RPTN: variants seen among roughly 807,000 people sequenced by gnomAD.
RPTN encodes intermediate filament-associated protein.
A neutral mutation model predicts 3.6 loss-of-function variants in RPTN; 4 were observed. That is an observed-to-expected ratio of 1.12 (90% confidence interval 0.55 to 2.55). RPTN has a LOEUF of 2.55. Ranked by LOEUF, RPTN falls within the 30% of genes most tolerant of loss-of-function variation. RPTN has a pLI of 0.02. For missense variants in RPTN, 860 were observed against 916.7 expected, an observed-to-expected ratio of 0.94 and a Z score of 0.80; for synonymous variants, 293 against 319.3, an observed-to-expected ratio of 0.92 and a Z score of 0.88.
chr1:152,154,525 A>G lies in RPTN; in HGVS notation c.*219T>C. The G allele has an allele frequency of 1.5e-6, 1 of 683,106 alleles. No homozygotes were observed. Among genetic ancestry groups the G allele is most frequent in the South Asian group, 2.0e-5 (1 of 50,274 alleles). The allele number at this position is 683,106 out of a possible 1,614,324, so 42.3% of individuals were successfully genotyped here. A position where few individuals can be genotyped will look rare whatever the true frequency, so the allele number is the denominator to read the frequency against. On this transcript the variant is annotated 3_prime_UTR_variant, in exon 3 of 3. Coordinates refer to ENST00000316073, the MANE Select transcript of RPTN (RefSeq NM_001122965.1). ...GCTGTTCTCTGGTTTGGGGCCTCCC[A>G]CTGCTCTGGGTTGGATAGAAGGATG... is the stretch of plus-strand genomic sequence containing the variant.
At position 152,154,658 on chromosome 1, in the gene RPTN, G is replaced by A. The variant is rs924821298; in HGVS notation, c.*86C>T. On this transcript the variant is annotated 3_prime_UTR_variant, in exon 3 of 3. Coordinates refer to ENST00000316073, the MANE Select transcript of RPTN (RefSeq NM_001122965.1). The stretch of plus-strand genomic sequence containing the variant: ...GGTCACTTGGGATTTTTGATTCTGA[G>A]ATCCTTGATACCTCTCTTTCTCCTC... 117 of 1,524,350 alleles carry A rather than the reference G, an allele frequency of 7.7e-5. No homozygotes were observed. Among genetic ancestry groups the A allele is most frequent in the Non-Finnish European group, 9.3e-5 (105 of 1,130,542 alleles). The allele number at this position is 1,524,350 out of a possible 1,614,324, so 94.4% of individuals were successfully genotyped here.
At chr1:152,157,059 A>T (rs1254547840) in intron 2 of RPTN, 99 bp from the exon 3 acceptor site, 1 of 1,028,962 alleles carries the variant, frequency 9.7e-7, no homozygotes, top group Non-Finnish European at 1.4e-6. Context: ...TGCTGCACGG[A>T]CCTTCCTAGG....
chr1:152,154,443 C>G lies in RPTN; in HGVS notation c.*301G>C, dbSNP rs1659150149. Reference sequence around the variant, plus strand: ...GCCTAGTATGGGTAGGATTTCTGCTCTTGCACATAGTCATAGGGGGGGTTG... The same window carrying G: ...GCCTAGTATGGGTAGGATTTCTGCTGTTGCACATAGTCATAGGGGGGGTTG... On this transcript the variant is annotated 3_prime_UTR_variant, in exon 3 of 3. Transcript: ENST00000316073. 3 of 480,422 alleles carry G rather than the reference C, an allele frequency of 6.2e-6. No individual in the cohort carries two copies. Among genetic ancestry groups the G allele is most frequent in the Non-Finnish European group, 1.1e-5 (3 of 271,942 alleles). The allele number at this position is 480,422 out of a possible 1,614,324, so 29.8% of individuals were successfully genotyped here. A position where few individuals can be genotyped will look rare whatever the true frequency, so the allele number is the denominator to read the frequency against.
In RPTN at chr1:152,154,825, G is replaced by A. The variant is rs369541690; in HGVS notation, c.2274C>T (p.Asp758=). ...HEHEQSHQRR[D]RQTHEDKQNR... is the part of the protein sequence containing the mutation. ...TCTGCTTGTCTTCATGGGTTTGCCT[G>A]TCTCGTCTCTGATGGCTCTGCTCAT... is the stretch of plus-strand genomic sequence containing the variant. The change falls in exon 3 of 3, where the codon GAC becomes GAT. Residue 758 remains aspartate, a synonymous_variant. Coordinates refer to ENST00000316073, the MANE Select transcript of RPTN (RefSeq NM_001122965.1). The A allele has an allele frequency of 6.2e-7, 1 of 1,613,780 alleles. No homozygotes were observed. Among genetic ancestry groups the A allele is most frequent in the Non-Finnish European group, 8.5e-7 (1 of 1,179,802 alleles).
At position 152,156,956 on chromosome 1, in the gene RPTN, G is replaced by A. The variant is rs747410361; in HGVS notation, c.143C>T (p.Pro48Leu). The change falls in exon 3 of 3, where the codon CCA (proline) becomes CTA (leucine). Residue 48 changes from proline (P) to leucine (L), a missense_variant. By Grantham distance (98) the Pro-to-Leu change is moderately conservative. Coordinates refer to ENST00000316073, the MANE Select transcript of RPTN (RefSeq NM_001122965.1). ...LAEFGDILQR[P>L]NDPETVETIL... ...GGTTTCCACAGTCTCTGGGTCATTT[G>A]GTCTCTGTTAGGAGATAAAACAAAG... 6.2e-7 allele frequency: 1 copy of A among 1,611,902 alleles called. No homozygotes were observed. Among genetic ancestry groups the A allele is most frequent in the South Asian group, 1.1e-5 (1 of 90,638 alleles).
chr1:152,155,222 T>C lies in RPTN; in HGVS notation c.1877A>G (p.Gln626Arg), dbSNP rs753938522. Reference protein sequence around the residue: ...SGRLSQQTPGQEGYQNQGQGF... With the variant: ...SGRLSQQTPGREGYQNQGQGF... ...CTGTCCCTGGTTTTGGTACCCTTCC[T>C]GTCCTGGAGTCTGTTGACTTAGCCT... The change falls in exon 3 of 3, where the codon CAG becomes CGG. Residue 626 changes from glutamine to arginine, a missense_variant. Coordinates refer to ENST00000316073, the MANE Select transcript of RPTN (RefSeq NM_001122965.1). 34 of 1,614,138 alleles carry C rather than the reference T, an allele frequency of 2.1e-5. No homozygotes were observed. The East Asian group carries it at 7.6e-4, about 36-fold the overall frequency.
intron 2 of RPTN, 86 bp from the exon 3 acceptor site, chr1:152,157,046 C>A (rs1034648986): frequency 8.8e-6 from 10 of 1,134,272 alleles, no homozygotes; most frequent in South Asian, 1.5e-5. Flanking sequence ...CCAATCCATT[C>A]GGTGCTGCAC....
Position 152,155,416 on chromosome 1 carries a change from C to T in RPTN, c.1683G>A (p.Gln561=). 1 of 1,613,928 alleles carries T rather than the reference C, an allele frequency of 6.2e-7. No individual in the cohort carries two copies. The highest frequency in any genetic ancestry group is 1.1e-5 in the South Asian group (1 of 91,062). Residue 561 remains glutamine (Q), a synonymous_variant, in exon 3 of 3, where the codon CAG becomes CAA. Transcript: ENST00000316073. ...DRQGQSSHYG[Q]TDRQGQSYHY... ...GATAGCTCTGGCCTTGTCTGTCTGT[C>T]TGACCGTAGTGGGAACTCTGGCCTT...
rs1393606613 is a variant in RPTN at position 152,154,813 on chromosome 1, A to T, written c.2286T>A (p.His762Gln). 1 of 1,613,254 alleles carries T rather than the reference A, an allele frequency of 6.2e-7. No individual in the cohort carries two copies. Among genetic ancestry groups the T allele is most frequent in the South Asian group, 1.1e-5 (1 of 90,986 alleles). ...QSHQRRDRQT[H>Q]EDKQNRQRRD... Reference sequence around the variant, plus strand: ...GTCTCTGACGGTTCTGCTTGTCTTCATGGGTTTGCCTGTCTCGTCTCTGAT... The same window carrying T: ...GTCTCTGACGGTTCTGCTTGTCTTCTTGGGTTTGCCTGTCTCGTCTCTGAT... The change falls in exon 3 of 3, where the codon CAT (histidine) becomes CAA (glutamine). Residue 762 changes from histidine to glutamine, a missense_variant. His to Gln is a conservative substitution (Grantham distance 24, BLOSUM62 0). Coordinates refer to ENST00000316073, the MANE Select transcript of RPTN (RefSeq NM_001122965.1).
Position 152,156,043 on chromosome 1 carries a change from AC to A in RPTN, c.1055del (p.Cys352PhefsTer139). The A allele has an allele frequency of 6.2e-7, 1 of 1,612,180 alleles. No homozygotes were observed. The highest frequency in any genetic ancestry group is 2.2e-5 in the East Asian group (1 of 44,710). ...GTCTGTTTGTCTGATCATAATGATA[AC>A]ACTGGCCTTTTCTGTCCATTTGACC... The part of the protein sequence containing the change: ...HYGQMDRKGQ[C>X]YHYDQTNRQG... On this transcript the variant is annotated frameshift_variant, in exon 3 of 3. Transcript: ENST00000316073. LOFTEE classifies it low-confidence loss of function (END_TRUNC).
rs979403992 is a variant in RPTN, at chr1:152,154,416, T to C, written c.*328A>G. On this transcript the variant is annotated 3_prime_UTR_variant, in exon 3 of 3. Transcript: ENST00000316073. ...TGTTGCTTTACCTCTGGTGCTCACA[T>C]AGCCTAGTATGGGTAGGATTTCTGC... 12 of 375,912 alleles carry C rather than the reference T, an allele frequency of 3.2e-5. No homozygotes were observed. The highest frequency in any genetic ancestry group is 1.3e-4 in the Admixed American group (3 of 23,114). 23.3% of individuals were successfully genotyped at this position (375,912 alleles called of 1,614,324 possible). A position where few individuals can be genotyped will look rare whatever the true frequency, so the allele number is the denominator to read the frequency against.
rs1260521995 is a variant in RPTN at position 152,155,008 on chromosome 1, A to G, written c.2091T>C (p.His697=). 3 of 1,613,662 alleles carry G rather than the reference A, an allele frequency of 1.9e-6. No homozygotes were observed. The highest frequency in any genetic ancestry group is 1.1e-5 in the South Asian group (1 of 91,054). The change falls in exon 3 of 3, where the codon CAT becomes CAC. Residue 697 remains histidine (H), a synonymous_variant. Coordinates refer to ENST00000316073, the MANE Select transcript of RPTN (RefSeq NM_001122965.1). ...GHRQAQTRQS[H]GEGLSHWAEE... is the part of the protein sequence containing the mutation. ...CTGCCCAGTGGCTCAGCCCCTCACC[A>G]TGACTCTGCCTGGTCTGGGCCTGTC... is the stretch of plus-strand genomic sequence containing the variant.
At position 152,156,905 on chromosome 1, in the gene RPTN, C is replaced by T. The variant is rs185631749; in HGVS notation, c.194G>A (p.Arg65Gln). The T allele has an allele frequency of 4.3e-4, 701 of 1,614,142 alleles. No individual in the cohort carries two copies. Among genetic ancestry groups the T allele is most frequent in the Admixed American group, 8.3e-4 (50 of 60,026 alleles). Residue 65 changes from arginine to glutamine, a missense_variant, in exon 3 of 3, where the codon CGA (arginine) becomes CAA (glutamine). Physicochemically the swap from Arg to Gln is conservative, Grantham distance 43. Coordinates refer to ENST00000316073, the MANE Select transcript of RPTN (RefSeq NM_001122965.1). ...CTCATGAAAATCAATATGTCCATCT[C>T]GGTCTTGATCTAAGAGGTTCAAGAT... ...ETILNLLDQDRDGHIDFHEYL... is the reference protein window; with the variant it reads ...ETILNLLDQDQDGHIDFHEYL...
Position 152,156,900 on chromosome 1 carries a change from C to A in RPTN, c.199G>T (p.Gly67Ter). The A allele has an allele frequency of 5.0e-6, 8 of 1,614,140 alleles. No individual in the cohort carries two copies. The highest frequency in any genetic ancestry group is 6.8e-6 in the Non-Finnish European group (8 of 1,180,016). The change falls in exon 3 of 3, where the codon GGA becomes TGA. Residue 67 changes from glycine (G) to a stop codon, truncating the protein, a stop_gained. Transcript: ENST00000316073. LOFTEE classifies it low-confidence loss of function (END_TRUNC). ...AGGTACTCATGAAAATCAATATGTC[C>A]ATCTCGGTCTTGATCTAAGAGGTTC... ...ILNLLDQDRDGHIDFHEYLLL... is the reference protein window; with the variant it reads ...ILNLLDQDRD
Position 152,155,828 on chromosome 1 carries a change from C to A in RPTN, c.1271G>T (p.Gly424Val), listed in dbSNP as rs1179218416. Residue 424 changes from glycine to valine, a missense_variant, in exon 3 of 3, where the codon GGT (glycine) becomes GTT (valine). Gly to Val is a moderately radical substitution (Grantham distance 109). Transcript: ENST00000316073. ...HYSQMDRQGQGSHYGQTDRQG... is the reference protein window; with the variant it reads ...HYSQMDRQGQVSHYGQTDRQG... ...TCTGTCTGTCTGACCGTAGTGAGAACCCTGGCCTTGTCGGTCCATCTGACT... is the reference window on the plus strand; with the variant it reads ...TCTGTCTGTCTGACCGTAGTGAGAAACCTGGCCTTGTCGGTCCATCTGACT... The A allele has an allele frequency of 6.2e-7, 1 of 1,609,362 alleles. No homozygotes were observed. The highest frequency in any genetic ancestry group is 1.1e-5 in the South Asian group (1 of 90,500).
chr1:152,155,284 T>A lies in RPTN; in HGVS notation c.1815A>T (p.Arg605Ser), dbSNP rs761091454. 1 of 1,614,256 alleles carries A rather than the reference T, an allele frequency of 6.2e-7. No homozygotes were observed. The highest frequency in any genetic ancestry group is 1.1e-5 in the South Asian group (1 of 91,088). ...NKYFQGTEGTRKASYVEQSGR... is the reference protein window; with the variant it reads ...NKYFQGTEGTSKASYVEQSGR... ...CTGATTGTTCAACATAAGAGGCTTT[T>A]CTTGTTCCTTCAGTCCCTTGGAAGT... Residue 605 changes from arginine to serine, a missense_variant, in exon 3 of 3, where the codon AGA (arginine) becomes AGT (serine). Transcript: ENST00000316073.
Position 152,155,132 on chromosome 1 carries a change from T to C in RPTN, c.1967A>G (p.Gln656Arg), listed in dbSNP as rs751563301. Reference sequence around the variant, plus strand: ...TGCTAAGAGTTTGTGTTGGTGATGTTGGCTATCCTCTTCAGGCTCCCATAC... The same window carrying C: ...TGCTAAGAGTTTGTGTTGGTGATGTCGGCTATCCTCTTCAGGCTCCCATAC... ...HQVWEPEEDS[Q>R]HHQHKLLAQI... Residue 656 changes from glutamine (Q) to arginine (R), a missense_variant, in exon 3 of 3, where the codon CAA becomes CGA. Physicochemically the swap from Gln to Arg is conservative, Grantham distance 43. Coordinates refer to ENST00000316073, the MANE Select transcript of RPTN (RefSeq NM_001122965.1). 6.2e-6 allele frequency: 10 copies of C among 1,614,186 alleles called. No homozygotes were observed. The highest frequency in any genetic ancestry group is 8.5e-6 in the Non-Finnish European group (10 of 1,180,024).
Position 152,154,753 on chromosome 1 carries a change from A to G in RPTN, c.2346T>C (p.His782=). The G allele has an allele frequency of 6.2e-7, 1 of 1,613,772 alleles. No homozygotes were observed. Among genetic ancestry groups the G allele is most frequent in the Non-Finnish European group, 8.5e-7 (1 of 1,179,968 alleles). The stretch of plus-strand genomic sequence containing the variant: ...CATGAGTTTGCCTGTCTCATCTCTG[A>G]TGGTTCTGCTCGTCTTCATGGGTTT... ...DRQTHEDEQN[H]QR Residue 782 remains histidine (H), a synonymous_variant, in exon 3 of 3, where the codon CAT becomes CAC. Coordinates refer to ENST00000316073, the MANE Select transcript of RPTN (RefSeq NM_001122965.1).
In RPTN at chr1:152,154,738, C is replaced by T. The variant is rs1168362933; in HGVS notation, c.*6G>A. ...GGTTTTGATCCTCTTCATGAGTTTG[C>T]CTGTCTCATCTCTGATGGTTCTGCT... On this transcript the variant is annotated 3_prime_UTR_variant, in exon 3 of 3. Transcript: ENST00000316073. 1.2e-6 allele frequency: 2 copies of T among 1,613,318 alleles called. No individual in the cohort carries two copies. The highest frequency in any genetic ancestry group is 8.5e-7 in the Non-Finnish European group (1 of 1,179,578).
Sources: allele counts gnomAD v4.1 joint callset, GRCh38; gene constraint gnomAD v4.1.1; transcripts MANE v1.5; gene names NCBI Gene and HGNC (gene_info 2026-07-23, HGNC 2026-07-21).